Variants in NIT2 observed in about 807,000 individuals in gnomAD.
NIT2 encodes nitrilase family member 2.
A neutral mutation model predicts 42.7 loss-of-function variants in NIT2; 46 were observed. That is an observed-to-expected ratio of 1.08 (90% CI 0.85 to 1.38). The LOEUF is 1.38. NIT2 is among the 40% of genes most tolerant of loss of function. NIT2 has a pLI of 0.00. For synonymous variants in NIT2, 123 were observed against 121.9 expected (o/e 1.01, Z -0.06); for missense variants, 309 against 342.5 (o/e 0.90, Z 0.77).
chr3:100,350,927 A>G (rs985279362), intron 7 of NIT2, among the ~76,000 whole-genome samples: 79 of 152,096 alleles, frequency 5.2e-4, no homozygotes, highest in African/African-American at 1.7e-3. Flanking sequence ...TCATTGTTCA[A>G]TTCCCACCTA....
rs564299146 is a variant in NIT2, at chr3:100,338,185, G to A, written c.8-902G>A. Among the ~76,000 whole-genome samples, 61 of 152,300 alleles carry A rather than the reference G, an allele frequency of 4.0e-4. 1 individual carries two copies. The South Asian group carries it at 0.013, about 32-fold the overall frequency. The stretch of plus-strand genomic sequence containing the variant: ...AGCTACTACCTCCAGGAAGAAATAA[G>A]CTTGGAAGAGCCCCCAACCTCCTTG... On this transcript the variant is annotated intron_variant, in intron 1 of 9. Transcript: ENST00000394140.
rs558861878 is a variant in NIT2 at position 100,337,487 on chromosome 3, T to C, written c.8-1600T>C. 9.8e-5 allele frequency among the ~76,000 whole-genome samples: 15 copies of C among 152,302 alleles called. No homozygotes were observed. The South Asian group carries it at 3.1e-3, about 32-fold the overall frequency. ...TATTTTTTTGGAGACTGAGTCTCAC[T>C]CTGTCGTCCAGGCTGGAGTGCAGTG... On this transcript the variant is annotated intron_variant, in intron 1 of 9. Coordinates refer to ENST00000394140, the MANE Select transcript of NIT2 (RefSeq NM_020202.5).
chr3:100,343,543 C>T (rs972384065), intron 4 of NIT2, among the ~76,000 whole-genome samples: 1 of 152,096 alleles, frequency 6.6e-6, no homozygotes, highest in African/African-American at 2.4e-5. Flanking sequence ...TTCTGAAATA[C>T]CCCTTTGCTT....
At chr3:100,352,550 GTGGTGGCTCGT>G (rs745643526) in intron 8 of NIT2, 48 bp downstream of exon 8, 1 of 1,453,054 alleles carries the variant, frequency 6.9e-7, no homozygotes, top group South Asian at 1.1e-5. Flanking sequence ...TTGAGCTTGA[GTGGTGGCTCGT>G]TGGCAGATGG....
intron 7 of NIT2, among the ~76,000 whole-genome samples, chr3:100,350,970 G>T (rs956012894): frequency 2.0e-5 from 3 of 151,624 alleles, no homozygotes; most frequent in African/African-American, 7.3e-5. Context: ...GGTTTTTTGT[G>T]CTTGCAATAG....
chr3:100,344,024 T>C (rs1706184323), intron 4 of NIT2, among the ~76,000 whole-genome samples: 1 of 152,248 alleles, frequency 6.6e-6, no homozygotes, highest in Non-Finnish European at 1.5e-5. Context: ...CTCTGTTCTA[T>C]CTGGTTGTTC....
chr3:100,355,293 G>T lies in NIT2; in HGVS notation c.*25G>T. ...AAGTTTATGTTTCTAATGTGTCACA[G>T]AATAGGACGATATGATTCTACAACA... On this transcript the variant is annotated 3_prime_UTR_variant, in exon 10 of 10. Transcript: ENST00000394140. 1 of 1,511,468 alleles carries T rather than the reference G, an allele frequency of 6.6e-7. No individual in the cohort carries two copies. The highest frequency in any genetic ancestry group is 9.2e-7 in the Non-Finnish European group (1 of 1,091,694). 93.6% of individuals were successfully genotyped at this position (1,511,468 alleles called of 1,614,324 possible).
Position 100,355,364 on chromosome 3 carries a change from T to G in NIT2, c.*96T>G. Reference sequence around the variant, plus strand: ...TCTTTAATGAAGATTTTTTTTTTAATTCGGCCTTGTCCTTCCTAGGTTCTC... The same window carrying G: ...TCTTTAATGAAGATTTTTTTTTTAAGTCGGCCTTGTCCTTCCTAGGTTCTC... On this transcript the variant is annotated 3_prime_UTR_variant, in exon 10 of 10. Coordinates refer to ENST00000394140, the MANE Select transcript of NIT2 (RefSeq NM_020202.5). The G allele has an allele frequency of 2.2e-6, 2 of 905,918 alleles. No individual in the cohort carries two copies. The highest frequency in any genetic ancestry group is 3.4e-6 in the Non-Finnish European group (2 of 587,830). 56.1% of individuals were successfully genotyped at this position (905,918 alleles called of 1,614,324 possible).
Position 100,343,769 on chromosome 3 carries a change from A to G in NIT2, c.337-1816A>G, listed in dbSNP as rs1022671958. Among the ~76,000 whole-genome samples, 6 of 152,222 alleles carry G rather than the reference A, an allele frequency of 3.9e-5. No individual in the cohort carries two copies. In the East Asian group the frequency reaches 7.7e-4, roughly 20 times the overall value. On this transcript the variant is annotated intron_variant, in intron 4 of 9. Coordinates refer to ENST00000394140, the MANE Select transcript of NIT2 (RefSeq NM_020202.5). ...CAAACAACAAGAAAAAAATTATAAC[A>G]TCTGGGTCATGGCAGGATCTGTGTT... is the stretch of plus-strand genomic sequence containing the variant.
Position 100,352,411 on chromosome 3 carries a change from G to A in NIT2, c.592G>A (p.Asp198Asn). ...CCTGTCTATTGACTACAGGGCTGTT[G>A]ATAATCAGGTGTATGTGGCCACAGC... ...WELLQRSRAV[D>N]NQVYVATASP... Residue 198 changes from aspartate (D) to asparagine (N), a missense_variant, in exon 8 of 10, where the codon GAT becomes AAT. Coordinates refer to ENST00000394140, the MANE Select transcript of NIT2 (RefSeq NM_020202.5). The A allele has an allele frequency of 6.2e-7, 1 of 1,612,668 alleles. No homozygotes were observed. Among genetic ancestry groups the A allele is most frequent in the Non-Finnish European group, 8.5e-7 (1 of 1,178,964 alleles).
At chr3:100,346,433 G>GC (rs1472208399) in intron 6 of NIT2, among the ~76,000 whole-genome samples, 178 bp downstream of exon 6, 2 of 152,116 alleles carry the variant, frequency 1.3e-5, no homozygotes, top group Non-Finnish European at 2.9e-5. Context: ...CAGGGTTTTT[G>GC]GGGGGTTGTA....
intron 7 of NIT2, chr3:100,350,012 G>A (rs554033544): frequency 6.6e-6 from 1 of 152,132 alleles, no homozygotes; most frequent in Non-Finnish European, 1.5e-5. Context: ...ATAGAGGTTG[G>A]TGAATTTTTG....
chr3:100,350,462 C>G (rs984836201), intron 7 of NIT2, among the ~76,000 whole-genome samples: 5 of 152,212 alleles, frequency 3.3e-5, no homozygotes, highest in Non-Finnish European at 5.9e-5. Flanking sequence ...ACTCCATTCT[C>G]TCCGGCCACC....
intron 9 of NIT2, among the ~76,000 whole-genome samples, 161 bp from the exon 10 acceptor site, chr3:100,355,015 GT>G (rs1706312374): frequency 1.3e-5 from 2 of 152,028 alleles, no homozygotes; most frequent in African/African-American, 4.8e-5. Flanking sequence ...AATTTTCTTG[GT>G]TTGGTTTGAA....
In NIT2 at chr3:100,357,842, AT is replaced by A. The variant is rs1576205510; in HGVS notation, c.*2575del. 6.6e-6 allele frequency: 1 copy of A among 152,048 alleles called. No individual in the cohort carries two copies. Among genetic ancestry groups the A allele is most frequent in the East Asian group, 1.9e-4 (1 of 5,184 alleles). The allele number at this position is 152,048 out of a possible 1,614,324, so 9.4% of individuals were successfully genotyped here. A position where few individuals can be genotyped will look rare whatever the true frequency, so the allele number is the denominator to read the frequency against. On this transcript the variant is annotated 3_prime_UTR_variant, in exon 10 of 10. Transcript: ENST00000394140. ...TTTTTAGTAGAGATGGGGTTTCACCATCTTGGCCAGGCTGGTCTTGAACTCC... is the reference window on the plus strand; with the variant it reads ...TTTTTAGTAGAGATGGGGTTTCACCACTTGGCCAGGCTGGTCTTGAACTCC...
rs137865853 is a variant in NIT2, at chr3:100,343,105, G to A, written c.336+1944G>A. ...GAGTAGTAATTTGTATTGTTCCCTC[G>A]GATATAATTTGTTGTTTTTTCTCTC... is the stretch of plus-strand genomic sequence containing the variant. On this transcript the variant is annotated intron_variant, in intron 4 of 9. Coordinates refer to ENST00000394140, the MANE Select transcript of NIT2 (RefSeq NM_020202.5). Among the ~76,000 whole-genome samples, 1,455 of 150,284 alleles carry A rather than the reference G, an allele frequency of 9.7e-3. 12 individuals carry two copies. The highest frequency in any genetic ancestry group is 0.034 in the African/African-American group (1,371 of 40,912).
rs1329052710 is a variant in NIT2, at chr3:100,346,344, G to C, written c.505+89G>C. On this transcript the variant is annotated intron_variant, in intron 6 of 9. Transcript: ENST00000394140. ...TGGGATCCTTAGTCAAGAAAAGCTGGGAGAGGGCTCTTTAATTTCTCCATC... is the reference window on the plus strand; with the variant it reads ...TGGGATCCTTAGTCAAGAAAAGCTGCGAGAGGGCTCTTTAATTTCTCCATC... The C allele has an allele frequency of 3.5e-6, 4 of 1,144,082 alleles. No homozygotes were observed. In the African/African-American group the frequency reaches 6.1e-5, roughly 18 times the overall value. The allele number at this position is 1,144,082 out of a possible 1,614,324, so 70.9% of individuals were successfully genotyped here.
In NIT2 at chr3:100,361,302, AT is replaced by A. The variant is rs66465552; in HGVS notation, c.*6035del. 0.15 allele frequency: 22,782 copies of A among 152,162 alleles called. 3,165 individuals are homozygous for A. Among genetic ancestry groups the A allele is most frequent in the East Asian group, 0.49 (2,540 of 5,154 alleles). The allele number at this position is 152,162 out of a possible 1,614,324, so 9.4% of individuals were successfully genotyped here. A position where few individuals can be genotyped will look rare whatever the true frequency, so the allele number is the denominator to read the frequency against. On this transcript the variant is annotated 3_prime_UTR_variant, in exon 10 of 10. Coordinates refer to ENST00000394140, the MANE Select transcript of NIT2 (RefSeq NM_020202.5). ...CCTCTAAAACAATGCCCAAGAGCCA[AT>A]GTTAGTCATGGTCTTCCTGTATTTG...
intron 1 of NIT2, among the ~76,000 whole-genome samples, chr3:100,336,844 T>C (rs890100374): frequency 6.6e-6 from 1 of 152,160 alleles, no homozygotes; most frequent in Non-Finnish European, 1.5e-5. Flanking sequence ...TTCCTTCCTC[T>C]TGCACTAATC....
Sources: gnomAD v4.1 joint callset for allele counts (sites outside exome capture counted in the v4.1 genomes callset) on GRCh38, gnomAD v4.1.1 for gene constraint, MANE v1.5 for transcripts, NCBI Gene and HGNC (gene_info 2026-07-23, HGNC 2026-07-21) for gene names.